DPYD: variants seen among roughly 807,000 people sequenced by gnomAD.
DPYD encodes dihydropyrimidine dehydrogenase.
DPYD carries 109 observed loss-of-function variants against 116.2 expected under a neutral mutation model. The observed-to-expected ratio is 0.94, with a 90% CI of 0.80 to 1.10. The LOEUF (loss-of-function observed/expected upper bound fraction) is 1.10. Among genes scored for constraint, DPYD ranks in the 50% least tolerant of loss-of-function variants. DPYD has a pLI of 0.00. For missense variants in DPYD, 1,302 were observed against 1,254.5 expected (o/e 1.04, Z -0.57); for synonymous variants, 440 against 432.0 (o/e 1.02, Z -0.23).
intron 19 of DPYD, among the ~76,000 whole-genome samples, chr1:97,195,191 C>A (rs1431132860): frequency 6.6e-6 from 1 of 151,936 alleles, no homozygotes; most frequent in Non-Finnish European, 1.5e-5. Context: ...ATGAAACAAC[C>A]ATTAAAACAA....
At chr1:97,203,456 T>C (rs1356531563) in intron 19 of DPYD, among the ~76,000 whole-genome samples, 6 of 124,654 alleles carry the variant, frequency 4.8e-5, no homozygotes, top group Non-Finnish European at 7.9e-5. Flanking sequence ...GGAAGGGGAA[T>C]ATCACACTCT....
intron 13 of DPYD, among the ~76,000 whole-genome samples, chr1:97,483,019 C>T (rs984851088): frequency 1.3e-5 from 2 of 152,186 alleles, no homozygotes; most frequent in African/African-American, 4.8e-5. Flanking sequence ...CTTAAATGTT[C>T]TTTCATTTAC....
intron 14 of DPYD, among the ~76,000 whole-genome samples, chr1:97,398,611 T>C (rs1357108513): frequency 2.0e-5 from 3 of 152,142 alleles, no homozygotes; most frequent in Non-Finnish European, 4.4e-5. Flanking sequence ...GCACCTGTTG[T>C]TTCCTGACTT....
At position 97,920,879 on chromosome 1, in the gene DPYD, C is replaced by G. The variant is rs1355714241; in HGVS notation, c.39+5G>C. 1 of 1,592,264 alleles carries G rather than the reference C, an allele frequency of 6.3e-7. No homozygotes were observed. The highest frequency in any genetic ancestry group is 1.7e-5 in the Admixed American group (1 of 58,042). ...ACCACCGACGAGCCGGCGCGAAGTC[C>G]GTACCTCGATGTCCGCCGAGTCCTT... is the stretch of plus-strand genomic sequence containing the variant. On this transcript the variant is annotated splice_donor_5th_base_variant and intron_variant, in intron 1 of 22. Transcript: ENST00000370192.
chr1:97,241,479 A>G (rs1557965483), intron 18 of DPYD, among the ~76,000 whole-genome samples: 2 of 152,042 alleles, frequency 1.3e-5, no homozygotes, highest in African/African-American at 4.8e-5. Flanking sequence ...CGTAGTTTAA[A>G]AAGGATGTAA....
chr1:97,445,891 A>G (rs1676058335), intron 14 of DPYD, among the ~76,000 whole-genome samples: 1 of 151,774 alleles, frequency 6.6e-6, no homozygotes, highest in Non-Finnish European at 1.5e-5. Flanking sequence ...ATGCCTGACT[A>G]ATTTTTTGTA....
chr1:97,659,464 T>C (rs1428267262), intron 8 of DPYD, among the ~76,000 whole-genome samples: 1 of 152,200 alleles, frequency 6.6e-6, no homozygotes, highest in Non-Finnish European at 1.5e-5. Context: ...TTTGATTATC[T>C]GTATTGCTCT....
At chr1:97,785,780 C>A (rs1666985227) in intron 3 of DPYD, among the ~76,000 whole-genome samples, 1 of 149,324 alleles carries the variant, frequency 6.7e-6, no homozygotes, top group African/African-American at 2.5e-5. Context: ...GCAAACTCCA[C>A]CTCCCGGGTT....
chr1:97,165,260 C>A (rs1656239927), intron 20 of DPYD, among the ~76,000 whole-genome samples: 1 of 151,800 alleles, frequency 6.6e-6, no homozygotes, highest in African/African-American at 2.4e-5. Flanking sequence ...GAATATAAGC[C>A]CAGAAATAAG....
chr1:97,122,978 T>A (rs1005075551), intron 20 of DPYD, among the ~76,000 whole-genome samples: 6 of 152,118 alleles, frequency 3.9e-5, no homozygotes, highest in Admixed American at 1.3e-4. Flanking sequence ...AGGTTGCCTA[T>A]ACTCTCAGAT....
chr1:97,829,899 G>GC (rs1425559622), intron 2 of DPYD, among the ~76,000 whole-genome samples: 2 of 150,444 alleles, frequency 1.3e-5, no homozygotes, highest in African/African-American at 4.9e-5. Flanking sequence ...CCCTCCCTCA[G>GC]CCCCCCACCC....
chr1:97,347,325 A>C (rs1669909960), intron 16 of DPYD, among the ~76,000 whole-genome samples: 1 of 151,968 alleles, frequency 6.6e-6, no homozygotes, highest in South Asian at 2.1e-4. Context: ...TGTTTTTAAA[A>C]TTATGAATGA....
At chr1:97,107,610 G>A (rs950817411) in intron 20 of DPYD, among the ~76,000 whole-genome samples, 14 of 152,038 alleles carry the variant, frequency 9.2e-5, no homozygotes, top group Admixed American at 1.3e-4. Flanking sequence ...AAGCACATGA[G>A]TACATTATCT....
At chr1:97,809,540 A>T (rs1668246363) in intron 3 of DPYD, among the ~76,000 whole-genome samples, 1 of 152,202 alleles carries the variant, frequency 6.6e-6, no homozygotes. Flanking sequence ...CGATTGACTG[A>T]GTGTAGAATA....
intron 10 of DPYD, 111 bp from the exon 11 acceptor site, chr1:97,574,081 C>A: frequency 6.6e-7 from 1 of 1,511,352 alleles, no homozygotes; most frequent in Non-Finnish European, 8.9e-7. Context: ...AGTCAATATG[C>A]AGCTTTTTCT....
At chr1:97,421,585 CAATA>C (rs1394007091) in intron 14 of DPYD, among the ~76,000 whole-genome samples, 4 of 152,110 alleles carry the variant, frequency 2.6e-5, no homozygotes, top group Non-Finnish European at 5.9e-5. Flanking sequence ...TAACAGGTGA[CAATA>C]AATATTTGTT....
chr1:97,652,064 A>G (rs1485868061), intron 8 of DPYD, among the ~76,000 whole-genome samples: 1 of 152,128 alleles, frequency 6.6e-6, no homozygotes, highest in East Asian at 1.9e-4. Flanking sequence ...AGAATGATCA[A>G]TTTATAATAC....
At chr1:97,351,222 T>C (rs546640232) in intron 16 of DPYD, among the ~76,000 whole-genome samples, 6 of 152,234 alleles carry the variant, frequency 3.9e-5, no homozygotes, top group South Asian at 4.1e-4. Context: ...GTTTGAAATA[T>C]GTAAGATCTA....
At chr1:97,111,105 C>T (rs1321062592) in intron 20 of DPYD, among the ~76,000 whole-genome samples, 1 of 152,054 alleles carries the variant, frequency 6.6e-6, no homozygotes, top group Admixed American at 6.6e-5. Flanking sequence ...AATCTCTCTA[C>T]TTTTCACCAT....
Sources: gnomAD v4.1 joint callset for allele counts (sites outside exome capture counted in the v4.1 genomes callset) on GRCh38, gnomAD v4.1.1 for gene constraint, MANE v1.5 for transcripts, NCBI Gene and HGNC (gene_info 2026-07-23, HGNC 2026-07-21) for gene names.